Variants in FARS2 observed in about 807,000 individuals in gnomAD.
FARS2 encodes phenylalanyl-tRNA synthetase 2, mitochondrial, also known as phenylalanine--tRNA ligase, mitochondrial.
FARS2 carries 40 observed loss-of-function variants against 46.4 expected under a neutral mutation model. The observed-to-expected ratio is 0.86, with a 90% CI of 0.67 to 1.12. The LOEUF is 1.12. Among genes scored for constraint, FARS2 ranks in the 50% most tolerant of loss-of-function variants. The pLI, the probability that FARS2 is intolerant of heterozygous loss-of-function variation, is 0.00. For synonymous variants in FARS2, 234 were observed against 214.9 expected, an observed-to-expected ratio of 1.09 and a Z score of -0.78; for missense variants, 513 against 567.9, an observed-to-expected ratio of 0.90 and a Z score of 0.98.
rs1185361168 is a variant in FARS2, at chr6:5,720,117, AC to A, written c.1218-51173del. 1.5e-4 allele frequency among the ~76,000 whole-genome samples: 23 copies of A among 152,208 alleles called. 1 individual carries two copies. The highest frequency in any genetic ancestry group is 3.9e-4 in the African/African-American group (16 of 41,446). The stretch of plus-strand genomic sequence containing the variant: ...CACAATGCTCTACATAAAAAAAAAA[AC>A]AACACTGCTGCAATACCAATAGTTA... On this transcript the variant is annotated intron_variant, in intron 6 of 6. Coordinates refer to ENST00000274680, the MANE Select transcript of FARS2 (RefSeq NM_006567.5).
Position 5,593,732 on chromosome 6 carries a change from C to T in FARS2, c.1066-19437C>T, listed in dbSNP as rs1985346. On this transcript the variant is annotated intron_variant, in intron 5 of 6. Transcript: ENST00000274680. Reference sequence around the variant, plus strand: ...AAAAATAGCCCATAGGAAAATGTTTCATTCGATTTTATTCAGGCTCAGGCG... The same window carrying T: ...AAAAATAGCCCATAGGAAAATGTTTTATTCGATTTTATTCAGGCTCAGGCG... 8.5e-5 allele frequency among the ~76,000 whole-genome samples: 13 copies of T among 152,234 alleles called. No individual in the cohort carries two copies. The South Asian group carries it at 2.7e-3, about 32-fold the overall frequency.
intron 4 of FARS2, among the ~76,000 whole-genome samples, chr6:5,459,430 A>G (rs919883131): frequency 2.0e-4 from 30 of 150,834 alleles, no homozygotes; most frequent in Admixed American, 1.6e-3. Flanking sequence ...TGATTTTCTT[A>G]TATTATTCTG....
At chr6:5,428,575 G>T (rs775290945) in intron 3 of FARS2, among the ~76,000 whole-genome samples, 32 of 152,160 alleles carry the variant, frequency 2.1e-4, no homozygotes, top group Non-Finnish European at 4.4e-4. Flanking sequence ...AAGAAAGATA[G>T]AAATTATTTT....
chr6:5,527,975 G>A (rs1200375453), intron 4 of FARS2, among the ~76,000 whole-genome samples: 1 of 152,150 alleles, frequency 6.6e-6, no homozygotes, highest in Non-Finnish European at 1.5e-5. Context: ...GATGTAGGAG[G>A]TGGTATGTGA....
chr6:5,392,854 ATG>A (rs1157745578), intron 2 of FARS2, among the ~76,000 whole-genome samples: 7 of 146,742 alleles, frequency 4.8e-5, no homozygotes, highest in African/African-American at 1.3e-4. Flanking sequence ...TATATATTAT[ATG>A]TGTGTGTATA....
chr6:5,751,313 G>A (rs1761932996), intron 6 of FARS2, among the ~76,000 whole-genome samples: 1 of 152,124 alleles, frequency 6.6e-6, no homozygotes, highest in South Asian at 2.1e-4. Flanking sequence ...TTCTGGCCTT[G>A]GGTTTAGGTG....
At chr6:5,493,506 G>C (rs1255391161) in intron 4 of FARS2, among the ~76,000 whole-genome samples, 1 of 152,152 alleles carries the variant, frequency 6.6e-6, no homozygotes, top group Non-Finnish European at 1.5e-5. Flanking sequence ...ACCTCCAAGA[G>C]GAATGGAAAG....
intron 6 of FARS2, among the ~76,000 whole-genome samples, chr6:5,669,208 C>T (rs1042185283): frequency 6.6e-6 from 1 of 152,140 alleles, no homozygotes; most frequent in Non-Finnish European, 1.5e-5. Context: ...TGACACGGAG[C>T]AGACGTGTTA....
chr6:5,697,696 A>C (rs1309953161), intron 6 of FARS2, among the ~76,000 whole-genome samples: 1 of 152,208 alleles, frequency 6.6e-6, no homozygotes, highest in Non-Finnish European at 1.5e-5. Context: ...AAGTAGTTTC[A>C]GGTCATTGTT....
In FARS2 at chr6:5,541,696, C is replaced by T. The variant is rs185492358; in HGVS notation, c.905-3484C>T. Among the ~76,000 whole-genome samples the T allele has an allele frequency of 1.4e-4, 21 of 151,916 alleles. No homozygotes were observed. In the East Asian group the frequency reaches 1.9e-3, roughly 14 times the overall value. On this transcript the variant is annotated intron_variant, in intron 4 of 6. Coordinates refer to ENST00000274680, the MANE Select transcript of FARS2 (RefSeq NM_006567.5). ...ACCCCAAGAGAGTGTTCTTGGATCT[C>T]GTGTGAAAAAGAATTCCGGGCAAGT... is the stretch of plus-strand genomic sequence containing the variant.
chr6:5,259,260 T>C (rs1764828884), upstream of FARS2, among the ~76,000 whole-genome samples: 1 of 152,220 alleles, frequency 6.6e-6, no homozygotes, highest in African/African-American at 2.4e-5. Context: ...ATGGTTTCTA[T>C]TTATTTAACT....
chr6:5,749,163 C>G (rs895211206), intron 6 of FARS2, among the ~76,000 whole-genome samples: 3 of 152,190 alleles, frequency 2.0e-5, no homozygotes, highest in Non-Finnish European at 4.4e-5. Context: ...CAGCCCTCCC[C>G]CAGGGAAGGG....
intron 4 of FARS2, among the ~76,000 whole-genome samples, chr6:5,513,048 T>A (rs1029781177): frequency 3.3e-5 from 5 of 152,078 alleles, no homozygotes; most frequent in Non-Finnish European, 7.4e-5. Context: ...GAGGGGTGGA[T>A]GGCAGGCTGG....
chr6:5,495,488 C>T (rs1262488436), intron 4 of FARS2, among the ~76,000 whole-genome samples: 5 of 152,216 alleles, frequency 3.3e-5, no homozygotes, highest in Admixed American at 6.5e-5. Context: ...TCTGTTCCAC[C>T]GATGCTTCTG....
intron 1 of FARS2, among the ~76,000 whole-genome samples, chr6:5,270,927 A>C (rs1765900622): frequency 6.6e-6 from 1 of 152,180 alleles, no homozygotes; most frequent in African/African-American, 2.4e-5. Context: ...TCAGTTTAAG[A>C]GATGCTTACT....
upstream of FARS2, among the ~76,000 whole-genome samples, chr6:5,257,130 A>C (rs1764714418): frequency 6.6e-6 from 1 of 152,136 alleles, no homozygotes; most frequent in Admixed American, 6.5e-5. Flanking sequence ...CAGAAAATGC[A>C]AATCTGGTCA....
chr6:5,365,992 G>T (rs1561987650), intron 1 of FARS2, among the ~76,000 whole-genome samples: 1 of 152,084 alleles, frequency 6.6e-6, no homozygotes, highest in African/African-American at 2.4e-5. Context: ...CTTCTCAGGG[G>T]TGGCAGAGGT....
At chr6:5,262,062 T>C (rs903663109) in intron 1 of FARS2, among the ~76,000 whole-genome samples, 1 of 152,222 alleles carries the variant, frequency 6.6e-6, no homozygotes, top group Non-Finnish European at 1.5e-5. Flanking sequence ...GGAATCTTGC[T>C]TTATGTAATC....
chr6:5,293,076 G>A (rs1767615891), intron 1 of FARS2, among the ~76,000 whole-genome samples: 1 of 152,236 alleles, frequency 6.6e-6, no homozygotes, highest in Non-Finnish European at 1.5e-5. Flanking sequence ...GAGGGTATTG[G>A]TGACACTGTT....
Sources: gnomAD v4.1 joint callset for allele counts (sites outside exome capture counted in the v4.1 genomes callset) on GRCh38, gnomAD v4.1.1 for gene constraint, MANE v1.5 for transcripts, NCBI Gene and HGNC (gene_info 2026-07-23, HGNC 2026-07-21) for gene names.